Variants in EHD3 observed in about 807,000 individuals in gnomAD.
EHD3 encodes the protein EH domain-containing protein 3.
EHD3 carries 17 observed loss-of-function variants against 43.0 expected under a neutral mutation model. The observed-to-expected ratio is 0.40, with a 90% CI of 0.27 to 0.59. EHD3 has a LOEUF of 0.59. Among genes scored for constraint, EHD3 ranks in the 20% least tolerant of loss-of-function variants. EHD3 has a pLI of 0.49. For synonymous variants in EHD3, 313 were observed against 289.5 expected (o/e 1.08, Z -0.82); for missense variants, 594 against 705.6 (o/e 0.84, Z 1.79).
In EHD3 at chr2:31,260,896, C is replaced by G. The variant is rs2148723295; in HGVS notation, c.889C>G (p.Leu297Val). The change falls in exon 4 of 6, where the codon CTC (leucine) becomes GTC (valine). Residue 297 changes from leucine (L) to valine (V), a missense_variant. Coordinates refer to ENST00000322054, the MANE Select transcript of EHD3 (RefSeq NM_014600.3). The surrounding 1 kb of genome is among the most constrained non-coding windows in gnomAD (Gnocchi z 4.6). ...TGCTGCCCTGCGCAAGCTCAACGAC[C>G]TCATCAAAAGGGCCAGGCTGGCCAA... ...RNAALRKLND[L>V]IKRARLAKVH... 1.9e-6 allele frequency: 3 copies of G among 1,612,052 alleles called. No homozygotes were observed. The highest frequency in any genetic ancestry group is 2.5e-6 in the Non-Finnish European group (3 of 1,178,998).
chr2:31,252,050 A>T (rs1426651683), intron 3 of EHD3, among the ~76,000 whole-genome samples: 1 of 152,202 alleles, frequency 6.6e-6, no homozygotes, highest in Non-Finnish European at 1.5e-5. Flanking sequence ...TAGCCTGACC[A>T]GCGGGTCCAG....
chr2:31,266,936 A>G lies in EHD3; in HGVS notation c.*232A>G, dbSNP rs138946477. 2 of 563,438 alleles carry G rather than the reference A, an allele frequency of 3.5e-6. No individual in the cohort carries two copies. The highest frequency in any genetic ancestry group is 3.0e-5 in the East Asian group (1 of 33,302). The allele number at this position is 563,438 out of a possible 1,614,324, so 34.9% of individuals were successfully genotyped here. A position where few individuals can be genotyped will look rare whatever the true frequency, so the allele number is the denominator to read the frequency against. ...AAGGACAAGAGCACTCCCAGGCCCC[A>G]GAGTCTAAGCCTAAGTCTCTATCGC... On this transcript the variant is annotated 3_prime_UTR_variant, in exon 6 of 6. Transcript: ENST00000322054. This position sits in a 1 kb window ranked among gnomAD's most constrained non-coding sequence, Gnocchi z 5.1.
At chr2:31,248,005 G>C (rs563032859) in intron 2 of EHD3, among the ~76,000 whole-genome samples, 1 of 152,338 alleles carries the variant, frequency 6.6e-6, no homozygotes, top group East Asian at 1.9e-4. Flanking sequence ...GGATGTTTAG[G>C]TTGGCTGGGA....
At chr2:31,253,755 G>C (rs990149661) in intron 3 of EHD3, among the ~76,000 whole-genome samples, 1 of 152,210 alleles carries the variant, frequency 6.6e-6, no homozygotes, top group Non-Finnish European at 1.5e-5. Context: ...GAAGAAGGCT[G>C]GGGTGCCCGG....
intron 5 of EHD3, among the ~76,000 whole-genome samples, chr2:31,265,688 C>T (rs617163): frequency 0.11 from 16,059 of 152,024 alleles, 926 homozygotes; most frequent in Middle Eastern, 0.12. Flanking sequence ...CTCAGAAGGG[C>T]GCTGGGGGAG....
At position 31,266,521 on chromosome 2, in the gene EHD3, G is replaced by T; in HGVS notation, c.1425G>T (p.Lys475Asn). 6.2e-7 allele frequency: 1 copy of T among 1,614,184 alleles called. No individual in the cohort carries two copies. Among genetic ancestry groups the T allele is most frequent in the Non-Finnish European group, 8.5e-7 (1 of 1,180,030 alleles). Residue 475 changes from lysine to asparagine, a missense_variant, in exon 6 of 6, where the codon AAG (lysine) becomes AAT (asparagine). Lys to Asn is a moderately conservative substitution (Grantham distance 94). Around this residue, in one of 3 missense-constraint regions of EHD3, gnomAD observed 322 missense variants for 348.0 expected, o/e 0.93. Coordinates refer to ENST00000322054, the MANE Select transcript of EHD3 (RefSeq NM_014600.3). This position sits in a 1 kb window ranked among gnomAD's most constrained non-coding sequence, Gnocchi z 5.1. ...CCAAGAAGGAGATGGTGCGCTCCAA[G>T]CTGCCCAACAGTGTGCTGGGCAAGA... is the stretch of plus-strand genomic sequence containing the variant. ...ANAKKEMVRS[K>N]LPNSVLGKIW...
chr2:31,249,500 G>A lies in EHD3; in HGVS notation c.502+32G>A, dbSNP rs753762862. The A allele has an allele frequency of 2.5e-6, 4 of 1,601,458 alleles. No individual in the cohort carries two copies. The East Asian group carries it at 8.9e-5, about 36-fold the overall frequency. ...AACCTGCCTGAGGGGTGTTGGCTGT[G>A]GGCTCCATGGTTCTGGCACGTTCAG... On this transcript the variant is annotated intron_variant, in intron 3 of 5. Coordinates refer to ENST00000322054, the MANE Select transcript of EHD3 (RefSeq NM_014600.3).
intron 1 of EHD3, 33 bp from the exon 2 acceptor site, chr2:31,244,241 C>T (rs768202013): frequency 6.2e-5 from 99 of 1,589,922 alleles, no homozygotes; most frequent in Non-Finnish European, 7.7e-5. Flanking sequence ...TTGCGCAGAA[C>T]GCCTGCATTA....
At chr2:31,244,178 TCC>T in intron 1 of EHD3, 94 bp from the exon 2 acceptor site, 3 of 1,248,916 alleles carry the variant, frequency 2.4e-6, no homozygotes, top group Non-Finnish European at 3.2e-6. Flanking sequence ...GGCCCTGCCC[TCC>T]CCTCTGACTC....
In EHD3 at chr2:31,260,070, G is replaced by A. The variant is rs540022178; in HGVS notation, c.503-440G>A. ...ACAAAAATTAGACGGGCATGGTGGC[G>A]CATGCCTGTAATCCCAGCTACTCGG... On this transcript the variant is annotated intron_variant, in intron 3 of 5. Coordinates refer to ENST00000322054, the MANE Select transcript of EHD3 (RefSeq NM_014600.3). This position sits in a 1 kb window ranked among gnomAD's most constrained non-coding sequence, Gnocchi z 4.6. Among the ~76,000 whole-genome samples, 28 of 152,150 alleles carry A rather than the reference G, an allele frequency of 1.8e-4. 1 individual carries two copies. The highest frequency in any genetic ancestry group is 1.4e-3 in the East Asian group (7 of 5,160).
intron 5 of EHD3, among the ~76,000 whole-genome samples, chr2:31,265,550 A>G (rs746118519): frequency 6.6e-6 from 1 of 152,226 alleles, no homozygotes; most frequent in Non-Finnish European, 1.5e-5. Flanking sequence ...TCCGATGAGC[A>G]TCCTGATTAA....
rs1052040908 is a variant in EHD3, at chr2:31,234,210, G to T, written c.-412G>T. ...GCAGCGTCGCCGTCTCCCCTGAGCC[G>T]CCTCGGTCCGGCAGGAGCGGAGCCG... is the stretch of plus-strand genomic sequence containing the variant. On this transcript the variant is annotated 5_prime_UTR_variant, in exon 1 of 6. Transcript: ENST00000322054. 11 of 247,382 alleles carry T rather than the reference G, an allele frequency of 4.4e-5. No individual in the cohort carries two copies. The highest frequency in any genetic ancestry group is 2.1e-4 in the African/African-American group (9 of 41,988). The allele number at this position is 247,382 out of a possible 1,614,324, so 15.3% of individuals were successfully genotyped here. A position where few individuals can be genotyped will look rare whatever the true frequency, so the allele number is the denominator to read the frequency against.
At chr2:31,253,246 C>CCACACACACACACACA (rs34392955) in intron 3 of EHD3, among the ~76,000 whole-genome samples, 6 of 142,106 alleles carry the variant, frequency 4.2e-5, no homozygotes, top group African/African-American at 1.6e-4. Context: ...CAACCCCCTC[C>CCACACACACACACACA]CACACACACA....
intron 2 of EHD3, among the ~76,000 whole-genome samples, chr2:31,249,143 C>T (rs893871192): frequency 5.3e-5 from 8 of 152,162 alleles, no homozygotes; most frequent in African/African-American, 1.9e-4. Flanking sequence ...CAAACACACC[C>T]GGGTGCAGGG....
chr2:31,235,458 TC>T (rs1287735173), intron 1 of EHD3, among the ~76,000 whole-genome samples: 1 of 152,112 alleles, frequency 6.6e-6, no homozygotes, highest in Non-Finnish European at 1.5e-5. Flanking sequence ...GCTTTTTTTT[TC>T]CCCTTTCTCT....
Position 31,267,750 on chromosome 2 carries a change from T to C in EHD3, c.*1046T>C, listed in dbSNP as rs1390946345. The C allele has an allele frequency of 2.6e-5, 4 of 152,198 alleles. No individual in the cohort carries two copies. The highest frequency in any genetic ancestry group is 5.9e-5 in the Non-Finnish European group (4 of 68,030). 9.4% of individuals were successfully genotyped at this position (152,198 alleles called of 1,614,324 possible). On this transcript the variant is annotated 3_prime_UTR_variant, in exon 6 of 6. Transcript: ENST00000322054. ...GATGTATGCAGGATCCCAGCATTGA[T>C]ACCCAATGACAAACTATGGAGAACA...
At position 31,266,428 on chromosome 2, in the gene EHD3, C is replaced by G. The variant is rs199600150; in HGVS notation, c.1332C>G (p.Asp444Glu). 1.5e-4 allele frequency: 247 copies of G among 1,613,736 alleles called. No homozygotes were observed. Among genetic ancestry groups the G allele is most frequent in the Non-Finnish European group, 2.0e-4 (240 of 1,179,930 alleles). ...ATGCTGAGTGGGTGGTGGCCAGGGACAAGCCCATGTACGACGAGATCTTCT... is the reference window on the plus strand; with the variant it reads ...ATGCTGAGTGGGTGGTGGCCAGGGAGAAGCCCATGTACGACGAGATCTTCT... ...IDDAEWVVAR[D>E]KPMYDEIFYT... Residue 444 changes from aspartate to glutamate, a missense_variant, in exon 6 of 6, where the codon GAC (aspartate) becomes GAG (glutamate). By Grantham distance (45) the Asp-to-Glu change is conservative. Around this residue, in one of 3 missense-constraint regions of EHD3, gnomAD observed 322 missense variants for 348.0 expected, o/e 0.93. Coordinates refer to ENST00000322054, the MANE Select transcript of EHD3 (RefSeq NM_014600.3). The surrounding 1 kb of genome is among the most constrained non-coding windows in gnomAD (Gnocchi z 5.1).
rs567911378 is a variant in EHD3, at chr2:31,257,380, C to A, written c.503-3130C>A. On this transcript the variant is annotated intron_variant, in intron 3 of 5. Coordinates refer to ENST00000322054, the MANE Select transcript of EHD3 (RefSeq NM_014600.3). The stretch of plus-strand genomic sequence containing the variant: ...GGGGAGTAGTGCGGGCTGCAGGCTT[C>A]ACCTGAAGTGGGAATGCTTAGGCTT... Among the ~76,000 whole-genome samples the A allele has an allele frequency of 7.2e-5, 11 of 151,932 alleles. No homozygotes were observed. The South Asian group carries it at 2.3e-3, about 32-fold the overall frequency.
At chr2:31,248,306 T>C (rs773967793) in intron 2 of EHD3, among the ~76,000 whole-genome samples, 12 of 152,190 alleles carry the variant, frequency 7.9e-5, no homozygotes, top group South Asian at 2.1e-4. Context: ...TGGTTCCCAT[T>C]CTTCGAGGCC....
Sources: allele counts gnomAD v4.1 joint callset (sites outside exome capture counted in the v4.1 genomes callset), GRCh38; gene constraint gnomAD v4.1.1; regional missense constraint gnomAD v4.1.1; non-coding constraint Gnocchi (gnomAD v3.1); transcripts MANE v1.5; gene names NCBI Gene and HGNC (gene_info 2026-07-23, HGNC 2026-07-21).